PDE1C: variants seen among roughly 807,000 people sequenced by gnomAD.
PDE1C encodes the protein dual specificity calcium/calmodulin-dependent 3',5'-cyclic nucleotide phosphodiesterase 1C.
In PDE1C, 62 loss-of-function variants were observed where a neutral mutation model predicts 93.1. The observed-to-expected ratio is 0.67, with a 90% confidence interval of 0.54 to 0.82. PDE1C has a LOEUF of 0.82. PDE1C is among the 40% of genes least tolerant of loss of function. The pLI, the probability that PDE1C is intolerant of heterozygous loss-of-function variation, is 0.00. For missense variants in PDE1C, 742 were observed against 884.6 expected (o/e 0.84, Z 2.04); for synonymous variants, 325 against 310.1 (o/e 1.05, Z -0.50).
rs575703873 is a variant in PDE1C, at chr7:32,127,957, C to T, written c.308+41828G>A. Among the ~76,000 whole-genome samples, 20 of 151,854 alleles carry T rather than the reference C, an allele frequency of 1.3e-4. 5 individuals are homozygous for T. Among genetic ancestry groups the T allele is most frequent in the Admixed American group, 6.6e-5 (1 of 15,238 alleles). On this transcript the variant is annotated intron_variant, in intron 3 of 18. Transcript: ENST00000396193. Reference sequence around the variant, plus strand: ...AGCAATGAAAAGAAACTTACCCAATCGGATAATAATATGTACATTAAAAAG... The same window carrying T: ...AGCAATGAAAAGAAACTTACCCAATTGGATAATAATATGTACATTAAAAAG...
At chr7:32,121,547 C>T (rs1340771604) in intron 3 of PDE1C, among the ~76,000 whole-genome samples, 1 of 152,162 alleles carries the variant, frequency 6.6e-6, no homozygotes, top group East Asian at 1.9e-4. Context: ...AGAAACCCTA[C>T]AAGCAAGCCA....
intron 2 of PDE1C, among the ~76,000 whole-genome samples, chr7:32,010,244 T>A (rs1485268041): frequency 6.6e-6 from 1 of 152,204 alleles, no homozygotes; most frequent in Non-Finnish European, 1.5e-5. Context: ...TATGAAGTCT[T>A]ATTATAAAGC....
intron 1 of PDE1C, among the ~76,000 whole-genome samples, chr7:32,216,015 C>T (rs979633212): frequency 6.6e-6 from 1 of 152,188 alleles, no homozygotes; most frequent in Non-Finnish European, 1.5e-5. Context: ...GCAACACAGA[C>T]TCCCAAAGAA....
At chr7:32,261,369 A>G (rs62457466) in intron 1 of PDE1C, among the ~76,000 whole-genome samples, 17,789 of 152,006 alleles carry the variant, frequency 0.12, 1,193 homozygotes, top group African/African-American at 0.16. Context: ...CTATGATTCC[A>G]TCTCCAACCT....
At chr7:31,839,231 T>C (rs1037660330) in intron 9 of PDE1C, among the ~76,000 whole-genome samples, 2 of 149,552 alleles carry the variant, frequency 1.3e-5, no homozygotes, top group Admixed American at 6.7e-5. Context: ...CATACGTATA[T>C]GTATGTATGT....
the PDE1C span, among the ~76,000 whole-genome samples, chr7:31,705,765 G>GGAGGCAGTGC: frequency 3.9e-5 from 6 of 152,164 alleles, no homozygotes; most frequent in South Asian, 1.2e-3. Context: ...TGAGAAGGAA[G>GGAGGCAGTGC]GAGGCAGTGC....
chr7:32,304,328 T>C (rs1812946517), upstream of PDE1C, among the ~76,000 whole-genome samples: 1 of 152,184 alleles, frequency 6.6e-6, no homozygotes, highest in African/African-American at 2.4e-5. Flanking sequence ...GGGTCTTCCA[T>C]CCTCGGCCCT....
intron 2 of PDE1C, among the ~76,000 whole-genome samples, chr7:31,997,363 G>A (rs7796051): frequency 0.053 from 8,128 of 152,174 alleles, 727 homozygotes; most frequent in African/African-American, 0.18. Flanking sequence ...AGAAATGTTG[G>A]TTCCACTCCC....
chr7:32,228,327 G>A (rs1420483032), intron 1 of PDE1C, among the ~76,000 whole-genome samples: 1 of 152,186 alleles, frequency 6.6e-6, no homozygotes, highest in African/African-American at 2.4e-5. Flanking sequence ...CAGGTGGCTG[G>A]AGCACAAGGT....
intron 1 of PDE1C, among the ~76,000 whole-genome samples, chr7:32,339,774 G>A (rs1783711325): frequency 6.6e-6 from 1 of 152,142 alleles, no homozygotes; most frequent in Non-Finnish European, 1.5e-5. Context: ...GGCAGAGCAG[G>A]AGGAGGGGAT....
At chr7:32,383,928 A>C (rs1291239998) in intron 1 of PDE1C, among the ~76,000 whole-genome samples, 1 of 152,188 alleles carries the variant, frequency 6.6e-6, no homozygotes, top group Non-Finnish European at 1.5e-5. Flanking sequence ...AAATGAGGAA[A>C]TAGTTCCCAT....
the PDE1C span, chr7:31,652,629 A>G: frequency 6.2e-7 from 1 of 1,613,822 alleles, no homozygotes; most frequent in Non-Finnish European, 8.5e-7. Context: ...CCACCCAGGC[A>G]TGGCCCCGAG....
the PDE1C span, among the ~76,000 whole-genome samples, chr7:31,717,088 C>T: frequency 6.6e-6 from 1 of 152,202 alleles, no homozygotes; most frequent in African/African-American, 2.4e-5. Context: ...GGCACTTGCT[C>T]TGTATTGTAA....
At chr7:31,961,079 C>T (rs1297155408) in intron 2 of PDE1C, among the ~76,000 whole-genome samples, 2 of 152,088 alleles carry the variant, frequency 1.3e-5, no homozygotes, top group African/African-American at 4.8e-5. Flanking sequence ...GCATGAACTG[C>T]TTTGCCTGGA....
At chr7:31,746,277 T>C (rs533091238), downstream of PDE1C, among the ~76,000 whole-genome samples, 3 of 152,174 alleles carry the variant, frequency 2.0e-5, no homozygotes, top group South Asian at 2.1e-4. Context: ...CAGTGACAAA[T>C]GTGAAGATGG....
intron 2 of PDE1C, among the ~76,000 whole-genome samples, chr7:31,989,544 A>G (rs1200954591): frequency 1.3e-5 from 2 of 152,290 alleles, no homozygotes; most frequent in East Asian, 3.9e-4. Flanking sequence ...ATGCACAACA[A>G]TGAGGTTTTT....
chr7:31,651,870 A>G, the PDE1C span: 1 of 1,050,116 alleles, frequency 9.5e-7, no homozygotes, highest in African/African-American at 1.6e-5. Flanking sequence ...CTATATTATG[A>G]GGTGACAATG....
At chr7:31,894,745 G>T (rs1799062501) in intron 2 of PDE1C, among the ~76,000 whole-genome samples, 1 of 152,162 alleles carries the variant, frequency 6.6e-6, no homozygotes, top group African/African-American at 2.4e-5. Context: ...TTTACCACTT[G>T]AATGCACTGA....
the PDE1C span, among the ~76,000 whole-genome samples, chr7:31,663,252 CA>C: frequency 6.6e-6 from 1 of 152,156 alleles, no homozygotes; most frequent in Non-Finnish European, 1.5e-5. Context: ...GTGGGCAAGA[CA>C]AAAGAGTCTA....
Sources: allele counts gnomAD v4.1 joint callset (sites outside exome capture counted in the v4.1 genomes callset), GRCh38; gene constraint gnomAD v4.1.1; transcripts MANE v1.5; gene names NCBI Gene and HGNC (gene_info 2026-07-23, HGNC 2026-07-21).